The following LPP variants were observed in gnomAD, a reference collection of about 807,000 sequenced individuals.
The protein encoded by LPP is LIM domain containing preferred translocation partner in lipoma, also known as lipoma-preferred partner.
LPP carries 38 observed loss-of-function variants against 60.4 expected under a neutral mutation model. The observed-to-expected ratio is 0.63, with a 90% confidence interval of 0.49 to 0.83. LPP has a LOEUF of 0.83. Among genes scored for constraint, LPP ranks in the 40% least tolerant of loss-of-function variants. The probability of loss-of-function intolerance (pLI) is 0.00; values close to 1 mark genes in which losing one functional copy is unlikely to be tolerated. For synonymous variants in LPP, 328 were observed against 290.8 expected (o/e 1.13, Z -1.30); for missense variants, 902 against 783.6 (o/e 1.15, Z -1.80).
chr3:188,795,608 G>A (rs544702944), intron 9 of LPP, among the ~76,000 whole-genome samples: 31 of 152,242 alleles, frequency 2.0e-4, no homozygotes, highest in African/African-American at 7.2e-4. Context: ...AACAAAGAAT[G>A]CTTGGAAATG....
intron 5 of LPP, among the ~76,000 whole-genome samples, chr3:188,487,378 A>G (rs1806864542): frequency 6.6e-6 from 1 of 152,216 alleles, no homozygotes; most frequent in Admixed American, 6.5e-5. Context: ...TTCAAAAGAT[A>G]ATGAAGAATT....
chr3:188,605,244 G>A (rs954137222), intron 6 of LPP, among the ~76,000 whole-genome samples: 2 of 152,106 alleles, frequency 1.3e-5, no homozygotes, highest in African/African-American at 4.8e-5. Context: ...GAAAAATGGT[G>A]GAATCTTGGC....
intron 8 of LPP, chr3:188,709,303 T>C (rs1295135783): frequency 6.6e-6 from 1 of 152,172 alleles, no homozygotes; most frequent in East Asian, 1.9e-4. Flanking sequence ...TAGAAAGTGA[T>C]AAAAGACATG....
rs1475185583 is a variant in LPP, at chr3:188,728,045, T to A, written c.1240+19652T>A. On this transcript the variant is annotated intron_variant, in intron 8 of 11. Transcript: ENST00000617246. Reference sequence around the variant, plus strand: ...GAGGAAACCTGAGGAGTTTCTTGGTTCTCAGCATAAAGACTCAGAATCACC... The same window carrying A: ...GAGGAAACCTGAGGAGTTTCTTGGTACTCAGCATAAAGACTCAGAATCACC... Among the ~76,000 whole-genome samples the A allele has an allele frequency of 2.0e-5, 3 of 152,146 alleles. No homozygotes were observed. In the South Asian group the frequency reaches 6.2e-4, roughly 32 times the overall value.
intron 9 of LPP, among the ~76,000 whole-genome samples, chr3:188,807,003 G>A (rs1056643903): frequency 2.2e-4 from 33 of 151,686 alleles, no homozygotes; most frequent in African/African-American, 7.7e-4. Context: ...CCACCTTTGT[G>A]TCTGATACCG....
At chr3:188,707,159 A>G (rs188989975) in intron 7 of LPP, among the ~76,000 whole-genome samples, 1 of 148,702 alleles carries the variant, frequency 6.7e-6, no homozygotes, top group African/African-American at 2.5e-5. Flanking sequence ...TTATTTTTTA[A>G]TTTTTTTTTT....
At chr3:188,501,565 C>G (rs201295538) in intron 5 of LPP, among the ~76,000 whole-genome samples, 1 of 151,468 alleles carries the variant, frequency 6.6e-6, no homozygotes, top group African/African-American at 2.4e-5. Context: ...CTGGCTAACG[C>G]GGTGAAACCC....
chr3:188,865,701 A>C (rs1009673989), intron 9 of LPP, among the ~76,000 whole-genome samples: 5 of 152,142 alleles, frequency 3.3e-5, no homozygotes, highest in Non-Finnish European at 7.4e-5. Context: ...TTTGTAAATA[A>C]AGTATTACTG....
intron 4 of LPP, among the ~76,000 whole-genome samples, chr3:188,449,752 G>T (rs1483458907): frequency 6.6e-6 from 1 of 151,974 alleles, no homozygotes; most frequent in Admixed American, 6.6e-5. Flanking sequence ...TACTACTGTT[G>T]TTGCTCAGCA....
chr3:188,746,706 T>C (rs1264570536), intron 8 of LPP: 1 of 332,452 alleles, frequency 3.0e-6, no homozygotes, highest in Non-Finnish European at 6.0e-6. Context: ...AAGGGAAAGC[T>C]CTTGACTTAT....
At chr3:188,630,588 C>T (rs1362624370) in intron 7 of LPP, among the ~76,000 whole-genome samples, 1 of 152,108 alleles carries the variant, frequency 6.6e-6, no homozygotes, top group African/African-American at 2.4e-5. Flanking sequence ...ACTAGAACTA[C>T]CATTTGACCT....
intron 4 of LPP, among the ~76,000 whole-genome samples, chr3:188,455,574 GAC>G (rs1797555146): frequency 6.6e-6 from 1 of 152,148 alleles, no homozygotes; most frequent in Non-Finnish European, 1.5e-5. Flanking sequence ...CTCTCTGCGA[GAC>G]AGAGACTGTG....
intron 6 of LPP, among the ~76,000 whole-genome samples, chr3:188,587,054 G>C (rs1837637974): frequency 5.9e-5 from 1 of 17,030 alleles, no homozygotes; most frequent in South Asian, 1.2e-3. Context: ...AAAGAAAGTT[G>C]GCGCTCTGGC....
intron 5 of LPP, among the ~76,000 whole-genome samples, chr3:188,523,235 A>G (rs1819512997): frequency 6.6e-6 from 1 of 152,104 alleles, no homozygotes; most frequent in Non-Finnish European, 1.5e-5. Context: ...AGGGCTCACA[A>G]ACAAGGAAGC....
chr3:188,324,097 G>T (rs912425619), intron 2 of LPP, among the ~76,000 whole-genome samples: 1 of 152,072 alleles, frequency 6.6e-6, no homozygotes, highest in Non-Finnish European at 1.5e-5. Context: ...TATAGGGATA[G>T]GTTGTGGCAA....
chr3:188,547,600 T>C (rs11929451), intron 6 of LPP, among the ~76,000 whole-genome samples: 1 of 152,210 alleles, frequency 6.6e-6, no homozygotes, highest in African/African-American at 2.4e-5. Flanking sequence ...CTCTTTTTTT[T>C]ACTTGGCATT....
At chr3:188,526,084 G>A (rs1820501462) in intron 6 of LPP, among the ~76,000 whole-genome samples, 1 of 152,196 alleles carries the variant, frequency 6.6e-6, no homozygotes, top group South Asian at 2.1e-4. Flanking sequence ...CGCTAGAGAA[G>A]CAGTATTGTC....
intron 1 of LPP, among the ~76,000 whole-genome samples, chr3:188,204,237 T>C (rs764119503): frequency 8.5e-5 from 13 of 152,130 alleles, no homozygotes; most frequent in Non-Finnish European, 1.3e-4. Context: ...GGGGTTCTTG[T>C]AGCAATATAA....
intron 2 of LPP, among the ~76,000 whole-genome samples, chr3:188,230,024 C>T (rs1719276307): frequency 1.3e-5 from 2 of 152,104 alleles, no homozygotes; most frequent in Non-Finnish European, 1.5e-5. Context: ...TAGTCCCTGA[C>T]CCTGAGAAGC....
Sources: gnomAD v4.1 joint callset for allele counts (sites outside exome capture counted in the v4.1 genomes callset) on GRCh38, gnomAD v4.1.1 for gene constraint, MANE v1.5 for transcripts, NCBI Gene and HGNC (gene_info 2026-07-23, HGNC 2026-07-21) for gene names.